Variants in KDM4C observed in about 807,000 individuals in gnomAD.
The protein encoded by KDM4C is lysine demethylase 4C.
A neutral mutation model predicts 129.3 loss-of-function variants in KDM4C; 81 were observed. The observed-to-expected ratio is 0.63, with a 90% CI of 0.52 to 0.75. The LOEUF is 0.75. Ranked by LOEUF, KDM4C falls within the 30% of genes least tolerant of loss-of-function variation. The pLI is 0.00. For synonymous variants in KDM4C, 573 were observed against 456.1 expected (o/e 1.26, Z -3.26); for missense variants, 1,457 against 1,304.0 (o/e 1.12, Z -1.81).
chr9:7,064,037 G>T (rs1587380138), intron 17 of KDM4C, among the ~76,000 whole-genome samples: 1 of 152,198 alleles, frequency 6.6e-6, no homozygotes, highest in African/African-American at 2.4e-5. Flanking sequence ...TGTTACTGAA[G>T]AACTGAATTT....
rs527241551 is a variant in KDM4C at position 6,784,643 on chromosome 9, C to T, written c.-17-8329C>T. On this transcript the variant is annotated intron_variant, in intron 1 of 21. Coordinates refer to ENST00000381309, the MANE Select transcript of KDM4C (RefSeq NM_015061.6). Reference sequence around the variant, plus strand: ...TTGAGTCTGCTCTTCCATTCCTACCCCTGGCCTCAGCAGGCAGGTGGAACA... The same window carrying T: ...TTGAGTCTGCTCTTCCATTCCTACCTCTGGCCTCAGCAGGCAGGTGGAACA... 3.3e-5 allele frequency among the ~76,000 whole-genome samples: 5 copies of T among 152,338 alleles called. No individual in the cohort carries two copies. In the South Asian group the frequency reaches 1.0e-3, roughly 32 times the overall value.
intron 5 of KDM4C, among the ~76,000 whole-genome samples, chr9:6,876,426 C>G (rs1339269998): frequency 6.6e-6 from 1 of 152,142 alleles, no homozygotes; most frequent in Non-Finnish European, 1.5e-5. Flanking sequence ...TAGACTAGGT[C>G]TGACCGTGGT....
chr9:7,016,619 T>C (rs1586934083), intron 15 of KDM4C, among the ~76,000 whole-genome samples: 1 of 150,258 alleles, frequency 6.7e-6, no homozygotes, highest in East Asian at 2.0e-4. Context: ...AGAGACGGGG[T>C]TTCACCTTGC....
chr9:7,062,030 C>T (rs1347432793), intron 17 of KDM4C, among the ~76,000 whole-genome samples: 6 of 152,092 alleles, frequency 3.9e-5, no homozygotes, highest in Admixed American at 3.3e-4. Flanking sequence ...TGCAGTGTTG[C>T]GATCTTGGCT....
chr9:6,863,793 C>CAAAA (rs999369554), intron 5 of KDM4C, among the ~76,000 whole-genome samples: 1 of 70,288 alleles, frequency 1.4e-5, no homozygotes, highest in Non-Finnish European at 2.8e-5. Flanking sequence ...GACTCCATCT[C>CAAAA]AAAAAAAAAA....
intron 9 of KDM4C, chr9:6,982,886 G>A (rs919846583): frequency 6.6e-6 from 1 of 152,220 alleles, no homozygotes; most frequent in Admixed American, 6.5e-5. Flanking sequence ...TACTTAGAAA[G>A]CCTGACTATG....
intron 1 of KDM4C, among the ~76,000 whole-genome samples, chr9:6,725,711 C>CTTTTTTT (rs201307657): frequency 2.3e-5 from 2 of 86,468 alleles, no homozygotes; most frequent in Non-Finnish European, 4.8e-5. Flanking sequence ...CTTTTCTTTT[C>CTTTTTTT]TTTTTTTTTT....
At chr9:6,985,561 A>G (rs972324036) in intron 10 of KDM4C, among the ~76,000 whole-genome samples, 1 of 152,230 alleles carries the variant, frequency 6.6e-6, no homozygotes, top group Non-Finnish European at 1.5e-5. Context: ...CAAAGGTGAT[A>G]TCTGAATTGA....
chr9:6,756,486 GC>G (rs1474730092), upstream of KDM4C, among the ~76,000 whole-genome samples: 1 of 152,230 alleles, frequency 6.6e-6, no homozygotes, highest in African/African-American at 2.4e-5. Context: ...GGAGGCCGAG[GC>G]GGGCGGATCA....
intron 17 of KDM4C, among the ~76,000 whole-genome samples, chr9:7,074,347 A>T (rs1467569567): frequency 3.3e-5 from 5 of 152,042 alleles, no homozygotes; most frequent in African/African-American, 4.8e-5. Flanking sequence ...TGTATATTTT[A>T]GTAGAAATGA....
chr9:6,956,503 G>A (rs1023546135), intron 8 of KDM4C, among the ~76,000 whole-genome samples: 6 of 152,132 alleles, frequency 3.9e-5, no homozygotes, highest in African/African-American at 1.4e-4. Context: ...CTGTTTTTCT[G>A]AAACTCCATT....
intron 17 of KDM4C, among the ~76,000 whole-genome samples, chr9:7,079,010 A>C (rs1176057591): frequency 6.6e-6 from 1 of 152,216 alleles, no homozygotes; most frequent in Non-Finnish European, 1.5e-5. Context: ...CCAAAATTTC[A>C]GACTCCCAGA....
intron 4 of KDM4C, among the ~76,000 whole-genome samples, chr9:6,848,913 G>C (rs1052724100): frequency 2.6e-5 from 4 of 152,174 alleles, no homozygotes; most frequent in Admixed American, 2.0e-4. Flanking sequence ...AGCATCAGTA[G>C]AAGCACAGTG....
intron 12 of KDM4C, among the ~76,000 whole-genome samples, chr9:6,998,220 A>G (rs1039611735): frequency 1.3e-5 from 2 of 152,184 alleles, no homozygotes; most frequent in South Asian, 2.1e-4. Flanking sequence ...ATTTCAGGCA[A>G]TGTTACAGTA....
intron 5 of KDM4C, among the ~76,000 whole-genome samples, chr9:6,850,828 C>T (rs568584477): frequency 1.5e-3 from 229 of 152,308 alleles, no homozygotes; most frequent in African/African-American, 5.3e-3. Context: ...GATCTCGGCT[C>T]ACTGCAACCT....
At chr9:6,768,286 G>T (rs1299334844) in intron 1 of KDM4C, among the ~76,000 whole-genome samples, 2 of 151,246 alleles carry the variant, frequency 1.3e-5, no homozygotes, top group Non-Finnish European at 2.9e-5. Flanking sequence ...TGATCACATA[G>T]TTTTTGGTGA....
At chr9:6,737,497 C>A (rs1817560373) in intron 1 of KDM4C, among the ~76,000 whole-genome samples, 1 of 1,472 alleles carries the variant, frequency 6.8e-4, no homozygotes, top group Non-Finnish European at 2.0e-3. Context: ...CCCATCTCTA[C>A]TAAAAAAAAT....
intron 17 of KDM4C, among the ~76,000 whole-genome samples, chr9:7,073,715 G>A (rs553882460): frequency 1.3e-5 from 2 of 152,288 alleles, no homozygotes; most frequent in African/African-American, 4.8e-5. Context: ...CAGGTGAATG[G>A]GAGAAATATT....
chr9:6,798,591 G>A (rs1280251046), intron 2 of KDM4C, among the ~76,000 whole-genome samples: 1 of 152,148 alleles, frequency 6.6e-6, no homozygotes, highest in Non-Finnish European at 1.5e-5. Flanking sequence ...CAAGGCAGAA[G>A]AATTTTTCTT....
Sources: allele counts gnomAD v4.1 joint callset (sites outside exome capture counted in the v4.1 genomes callset), GRCh38; gene constraint gnomAD v4.1.1; transcripts MANE v1.5; gene names NCBI Gene and HGNC (gene_info 2026-07-23, HGNC 2026-07-21).